The following SCAMP2 variants were observed in gnomAD, a reference collection of about 807,000 sequenced individuals.
The protein encoded by SCAMP2 is secretory carrier-associated membrane protein 2.
In SCAMP2, 25 loss-of-function variants were observed where a neutral mutation model predicts 44.1. That is an observed-to-expected ratio of 0.57 (90% confidence interval 0.41 to 0.79). SCAMP2 has a LOEUF of 0.79. Among genes scored for constraint, SCAMP2 ranks in the 30% least tolerant of loss-of-function variants. The probability of loss-of-function intolerance (pLI) is 0.00; values close to 1 mark genes in which losing one functional copy is unlikely to be tolerated. For missense variants in SCAMP2, 355 were observed against 411.0 expected (o/e 0.86, Z 1.18); for synonymous variants, 156 against 166.0 (o/e 0.94, Z 0.46).
chr15:74,862,737 G>A (rs370951031), intron 1 of SCAMP2, among the ~76,000 whole-genome samples: 1 of 145,854 alleles, frequency 6.9e-6, no homozygotes. Context: ...CAGGAGAACC[G>A]TTTGAACCAG....
At chr15:74,854,755 C>T in intron 1 of SCAMP2, 106 bp from the exon 2 acceptor site, 8 of 982,782 alleles carry the variant, frequency 8.1e-6, no homozygotes, top group South Asian at 1.5e-5. Flanking sequence ...TGATCACCCT[C>T]CCGGGACCCT....
At chr15:74,850,365 G>A (rs1479281359) in intron 6 of SCAMP2, 149 bp downstream of exon 6, 2 of 790,266 alleles carry the variant, frequency 2.5e-6, no homozygotes, top group Non-Finnish European at 4.1e-6. Flanking sequence ...GCTCTGGGTG[G>A]GAACAGAGGA....
chr15:74,847,982 G>C (rs1247190661), intron 7 of SCAMP2, among the ~76,000 whole-genome samples: 1 of 152,160 alleles, frequency 6.6e-6, no homozygotes, highest in Non-Finnish European at 1.5e-5. Context: ...CTGCAATCCA[G>C]TGCAGGACAC....
intron 1 of SCAMP2, among the ~76,000 whole-genome samples, chr15:74,859,209 T>C (rs573424290): frequency 6.6e-6 from 1 of 152,210 alleles, no homozygotes; most frequent in Non-Finnish European, 1.5e-5. Context: ...AGAGTGGCTA[T>C]TGCCCTTTAC....
chr15:74,848,428 G>C (rs2064413215), intron 7 of SCAMP2, 172 bp downstream of exon 7: 3 of 514,148 alleles, frequency 5.8e-6, no homozygotes, highest in Non-Finnish European at 1.0e-5. Context: ...AGTGGCTACT[G>C]ATGAAGAACT....
At chr15:74,869,493 A>G (rs1318746540) in intron 1 of SCAMP2, among the ~76,000 whole-genome samples, 2 of 152,142 alleles carry the variant, frequency 1.3e-5, no homozygotes, top group Non-Finnish European at 2.9e-5. Flanking sequence ...TTCTTTCCTT[A>G]GCCAGCCTAA....
In SCAMP2 at chr15:74,852,192, G is replaced by A; in HGVS notation, c.226-6C>T. The A allele has an allele frequency of 6.7e-7, 1 of 1,495,028 alleles. No individual in the cohort carries two copies. The highest frequency in any genetic ancestry group is 1.3e-5 in the South Asian group (1 of 76,078). The allele number at this position is 1,495,028 out of a possible 1,614,324, so 92.6% of individuals were successfully genotyped here. ...TGGGCTGCAGACACCACGGCCTGGA[G>A]AGAACAGGGGAGGTACAGGGACAGC... On this transcript the variant is annotated splice_polypyrimidine_tract_variant and splice_region_variant and intron_variant, in intron 3 of 8. Coordinates refer to ENST00000268099, the MANE Select transcript of SCAMP2 (RefSeq NM_005697.5).
chr15:74,854,232 C>T (rs549245274), intron 2 of SCAMP2, 113 bp from the exon 3 acceptor site: 143 of 963,836 alleles, frequency 1.5e-4, no homozygotes, highest in Admixed American at 3.4e-4. Context: ...GGGACTCCCT[C>T]GGGGCCTGCA....
At chr15:74,847,855 G>A (rs1331287233) in intron 7 of SCAMP2, among the ~76,000 whole-genome samples, 2 of 152,198 alleles carry the variant, frequency 1.3e-5, no homozygotes, top group Non-Finnish European at 2.9e-5. Context: ...TCCAGGGGAG[G>A]TGAGGGAACC....
intron 4 of SCAMP2, among the ~76,000 whole-genome samples, chr15:74,851,693 C>A (rs1596415280): frequency 6.6e-6 from 1 of 152,080 alleles, no homozygotes; most frequent in African/African-American, 2.4e-5. Flanking sequence ...GATAAAAGAC[C>A]CCAAATGCAC....
In SCAMP2 at chr15:74,843,934, A is replaced by C. The variant is rs1037355173; in HGVS notation, c.*1149T>G. 1.3e-5 allele frequency: 2 copies of C among 151,942 alleles called. No homozygotes were observed. Among genetic ancestry groups the C allele is most frequent in the Non-Finnish European group, 2.9e-5 (2 of 67,976 alleles). 9.4% of individuals were successfully genotyped at this position (151,942 alleles called of 1,614,324 possible). ...GGAAGGCACCCCAGTCCACACACCC[A>C]CTCGGCAGCCTCGAGGGACAGGGTG... is the stretch of plus-strand genomic sequence containing the variant. On this transcript the variant is annotated 3_prime_UTR_variant, in exon 9 of 9. Coordinates refer to ENST00000268099, the MANE Select transcript of SCAMP2 (RefSeq NM_005697.5).
chr15:74,846,604 A>G (rs1273294036), intron 7 of SCAMP2, among the ~76,000 whole-genome samples: 1 of 152,074 alleles, frequency 6.6e-6, no homozygotes, highest in African/African-American at 2.4e-5. Context: ...TCTACTAAAA[A>G]TACAAAAAAT....
chr15:74,852,167 TG>T lies in SCAMP2; in HGVS notation c.244del (p.Gln82ArgfsTer29). ...TTCCTGCTGCCGGAGCAGGCCTGCC[TG>T]GGCTGCAGACACCACGGCCTGGAGA... Reference protein sequence around the residue: ...PTPQAVVSAAQAGLLRQQEEL... With the variant: ...PTPQAVVSAAXAGLLRQQEEL... On this transcript the variant is annotated frameshift_variant, in exon 4 of 9. Coordinates refer to ENST00000268099, the MANE Select transcript of SCAMP2 (RefSeq NM_005697.5). LOFTEE classifies it high-confidence loss of function. The T allele has an allele frequency of 1.3e-6, 2 of 1,558,164 alleles. No homozygotes were observed.
intron 1 of SCAMP2, among the ~76,000 whole-genome samples, chr15:74,857,387 A>T (rs2064474890): frequency 6.6e-6 from 1 of 152,226 alleles, no homozygotes; most frequent in African/African-American, 2.4e-5. Flanking sequence ...TACTACCAGA[A>T]TCATCTGGCT....
At chr15:74,872,902 T>C (rs1055566708) in intron 1 of SCAMP2, 16 of 370,360 alleles carry the variant, frequency 4.3e-5, no homozygotes, top group Non-Finnish European at 9.7e-6. Flanking sequence ...GCTAGGAGAC[T>C]TCCGGAAGGG....
At position 74,861,917 on chromosome 15, in the gene SCAMP2, AAAAG is replaced by A. The variant is rs1335252286; in HGVS notation, c.58-7272_58-7269del. Among the ~76,000 whole-genome samples, 207 of 149,070 alleles carry A rather than the reference AAAAG, an allele frequency of 1.4e-3. 1 individual carries two copies. Among genetic ancestry groups the A allele is most frequent in the East Asian group, 0.01 (52 of 5,094 alleles). Reference sequence around the variant, plus strand: ...CTCTGTCTCAAAAAAAAAAAAAAAAAAAAGAAAGAAAGAAAAGAAAAGAAAAGGC... The same window carrying A: ...CTCTGTCTCAAAAAAAAAAAAAAAAAAAAGAAAGAAAAGAAAAGAAAAGGC... On this transcript the variant is annotated intron_variant, in intron 1 of 8. Transcript: ENST00000268099.
At chr15:74,862,431 C>A (rs981964491) in intron 1 of SCAMP2, among the ~76,000 whole-genome samples, 13 of 151,826 alleles carry the variant, frequency 8.6e-5, no homozygotes, top group African/African-American at 2.7e-4. Context: ...CAAAAATTAG[C>A]AGGGCACGGT....
intron 3 of SCAMP2, chr15:74,853,691 C>T: frequency 2.3e-6 from 1 of 433,866 alleles, no homozygotes; most frequent in Non-Finnish European, 4.3e-6. Flanking sequence ...TTCTGGGCCC[C>T]AAGGAAGAGA....
chr15:74,858,984 T>C (rs1277569180), intron 1 of SCAMP2, among the ~76,000 whole-genome samples: 1 of 151,800 alleles, frequency 6.6e-6, no homozygotes, highest in Non-Finnish European at 1.5e-5. Context: ...ACTTTTTTTG[T>C]ATTTTTAGTA....
Sources: allele counts gnomAD v4.1 joint callset (sites outside exome capture counted in the v4.1 genomes callset), GRCh38; gene constraint gnomAD v4.1.1; transcripts MANE v1.5; gene names NCBI Gene and HGNC (gene_info 2026-07-23, HGNC 2026-07-21).